VCPIP1: variants seen among roughly 807,000 people sequenced by gnomAD.
VCPIP1 encodes the protein deubiquitinating protein VCPIP1.
VCPIP1 carries 8 observed loss-of-function variants against 85.0 expected under a neutral mutation model. The observed-to-expected ratio is 0.09, with a 90% confidence interval of 0.06 to 0.17. The LOEUF is 0.17. Among genes scored for constraint, VCPIP1 ranks in the 10% least tolerant of loss-of-function variants. The pLI, the probability that VCPIP1 is intolerant of heterozygous loss-of-function variation, is 1.00. For missense variants in VCPIP1, 1,070 were observed against 1,486.3 expected (o/e 0.72, Z 4.61); for synonymous variants, 543 against 544.5 (o/e 1.00, Z 0.04).
At chr8:66,654,188 C>T (rs1179968101) in intron 1 of VCPIP1, among the ~76,000 whole-genome samples, 1 of 152,210 alleles carries the variant, frequency 6.6e-6, no homozygotes. Flanking sequence ...TAAACCTCTA[C>T]TGAAGGTCAA....
At chr8:66,639,695 T>C (rs546895908) in intron 2 of VCPIP1, among the ~76,000 whole-genome samples, 2 of 152,304 alleles carry the variant, frequency 1.3e-5, no homozygotes, top group South Asian at 2.1e-4. Flanking sequence ...AGTTTAGTTA[T>C]AATGGGCAAT....
Position 66,666,879 on chromosome 8 carries a change from A to G in VCPIP1, c.80T>C (p.Leu27Ser). The change falls in exon 1 of 3, where the codon TTG becomes TCG. Residue 27 changes from leucine (L) to serine (S), a missense_variant. This residue lies in a region of VCPIP1 where 164 missense variants were observed against 158.6 expected (regional missense o/e 1.03). Coordinates refer to ENST00000310421, the MANE Select transcript of VCPIP1 (RefSeq NM_025054.5). The surrounding 1 kb of genome is among the most constrained non-coding windows in gnomAD (Gnocchi z 6.3). ...CCCCCCCGAAGCAGCCGCCGACGCC[A>G]AGGACGACGGAGTCTGTGGAGCCTC... ...PPEAPQTPSSLASAAASGGLL... is the reference protein window; with the variant it reads ...PPEAPQTPSSSASAAASGGLL... The G allele has an allele frequency of 1.2e-6, 2 of 1,612,822 alleles. No individual in the cohort carries two copies.
chr8:66,656,750 C>G (rs577912046), intron 1 of VCPIP1, among the ~76,000 whole-genome samples: 3 of 152,218 alleles, frequency 2.0e-5, no homozygotes, highest in East Asian at 3.9e-4. Context: ...GCTGGGACTA[C>G]AGGCACAAAC....
Position 66,666,533 on chromosome 8 carries a change from CTGTT to C in VCPIP1, c.422_425del (p.Lys141ArgfsTer11). 6.2e-7 allele frequency: 1 copy of C among 1,614,146 alleles called. No homozygotes were observed. Among genetic ancestry groups the C allele is most frequent in the Non-Finnish European group, 8.5e-7 (1 of 1,180,024 alleles). The stretch of plus-strand genomic sequence containing the variant: ...CCCGGAGAAGCTTGGCCCGGCCTGT[CTGTT>C]TGTCCATTCCATAGCGAGCTAATAT... On this transcript the variant is annotated frameshift_variant, in exon 1 of 3. Transcript: ENST00000310421. LOFTEE classifies it high-confidence loss of function. The surrounding 1 kb of genome is among the most constrained non-coding windows in gnomAD (Gnocchi z 6.3).
chr8:66,631,998 A>G lies in VCPIP1; in HGVS notation c.*2503T>C, dbSNP rs1238235656. 1 of 152,174 alleles carries G rather than the reference A, an allele frequency of 6.6e-6. No individual in the cohort carries two copies. Among genetic ancestry groups the G allele is most frequent in the Non-Finnish European group, 1.5e-5 (1 of 67,884 alleles). 9.4% of individuals were successfully genotyped at this position (152,174 alleles called of 1,614,324 possible). A position where few individuals can be genotyped will look rare whatever the true frequency, so the allele number is the denominator to read the frequency against. ...AAGAAAAAATTTACAACTTTATTTC[A>G]ATGTTTAGTGAAGCACTGCAAACAG... On this transcript the variant is annotated 3_prime_UTR_variant, in exon 3 of 3. Coordinates refer to ENST00000310421, the MANE Select transcript of VCPIP1 (RefSeq NM_025054.5).
chr8:66,631,563 G>T lies in VCPIP1; in HGVS notation c.*2938C>A, dbSNP rs550654248. The T allele has an allele frequency of 1.6e-4, 24 of 154,542 alleles. 1 individual carries two copies. The highest frequency in any genetic ancestry group is 5.8e-4 in the African/African-American group (24 of 41,608). 9.6% of individuals were successfully genotyped at this position (154,542 alleles called of 1,614,324 possible). A position where few individuals can be genotyped will look rare whatever the true frequency, so the allele number is the denominator to read the frequency against. Reference sequence around the variant, plus strand: ...TCCAATGAAGATACTTAAAAATAATGGCAATAAGGACCTGTGGCCAGGAAT... The same window carrying T: ...TCCAATGAAGATACTTAAAAATAATTGCAATAAGGACCTGTGGCCAGGAAT... On this transcript the variant is annotated 3_prime_UTR_variant, in exon 3 of 3. Coordinates refer to ENST00000310421, the MANE Select transcript of VCPIP1 (RefSeq NM_025054.5).
chr8:66,659,149 C>T (rs1811130747), intron 1 of VCPIP1, among the ~76,000 whole-genome samples: 1 of 151,844 alleles, frequency 6.6e-6, no homozygotes, highest in South Asian at 2.1e-4. Context: ...AATGTACCAC[C>T]TATCCTGTCT....
intron 2 of VCPIP1, among the ~76,000 whole-genome samples, chr8:66,638,952 C>CTG: frequency 7.3e-6 from 1 of 137,786 alleles, no homozygotes; most frequent in African/African-American, 3.1e-5. Flanking sequence ...CTCTCTCTCT[C>CTG]TCTCTCTCTC....
chr8:66,656,362 T>C (rs987492141), intron 1 of VCPIP1, among the ~76,000 whole-genome samples: 1 of 151,674 alleles, frequency 6.6e-6, no homozygotes, highest in Non-Finnish European at 1.5e-5. Flanking sequence ...AGCCGCTAAG[T>C]TTATTTATTT....
chr8:66,652,917 T>C (rs1471612658), intron 1 of VCPIP1, among the ~76,000 whole-genome samples: 4 of 152,210 alleles, frequency 2.6e-5, no homozygotes. Flanking sequence ...TTAACTTTTG[T>C]CTTCCCTACA....
rs781482442 is a variant in VCPIP1, at chr8:66,666,143, C to T, written c.816G>A (p.Glu272=). The change falls in exon 1 of 3, where the codon GAG becomes GAA. Residue 272 remains glutamate (E), a synonymous_variant. Coordinates refer to ENST00000310421, the MANE Select transcript of VCPIP1 (RefSeq NM_025054.5). This position sits in a 1 kb window ranked among gnomAD's most constrained non-coding sequence, Gnocchi z 6.3. ...DAAEWEDIIN[E]CDPLFVPPEG... is the part of the protein sequence containing the mutation. Reference sequence around the variant, plus strand: ...CAGGTGGTACAAACAGAGGGTCACACTCATTGATAATGTCCTCCCACTCAG... The same window carrying T: ...CAGGTGGTACAAACAGAGGGTCACATTCATTGATAATGTCCTCCCACTCAG... 6 of 1,614,202 alleles carry T rather than the reference C, an allele frequency of 3.7e-6. No individual in the cohort carries two copies. The South Asian group carries it at 6.6e-5, about 18-fold the overall frequency.
intron 2 of VCPIP1, among the ~76,000 whole-genome samples, chr8:66,638,480 CAAAAAAAA>C (rs34135306): frequency 1.7e-5 from 2 of 118,722 alleles, no homozygotes; most frequent in East Asian, 2.4e-4. Context: ...AACCCCATCT[CAAAAAAAA>C]AAAAAAAAAG....
chr8:66,634,659 T>G lies in VCPIP1; in HGVS notation c.3511A>C (p.Asn1171His). 1 of 1,614,206 alleles carries G rather than the reference T, an allele frequency of 6.2e-7. No individual in the cohort carries two copies. Among genetic ancestry groups the G allele is most frequent in the Non-Finnish European group, 8.5e-7 (1 of 1,180,040 alleles). Residue 1171 changes from asparagine (N) to histidine (H), a missense_variant, in exon 3 of 3, where the codon AAT (asparagine) becomes CAT (histidine). Physicochemically the swap from Asn to His is moderately conservative, Grantham distance 68 (BLOSUM62 1). Coordinates refer to ENST00000310421, the MANE Select transcript of VCPIP1 (RefSeq NM_025054.5). ...ACACAGCCATCAGTTGTTTCTGTAT[T>G]CAAATTTTCAGTACCACCAGTTAAA... ...FPLTGGTENL[N>H]TETTDGCVAD... is the part of the protein sequence containing the mutation.
Position 66,631,420 on chromosome 8 carries a change from T to C in VCPIP1, c.*3081A>G, listed in dbSNP as rs1474918245. 2 of 154,570 alleles carry C rather than the reference T, an allele frequency of 1.3e-5. No individual in the cohort carries two copies. The highest frequency in any genetic ancestry group is 4.8e-5 in the African/African-American group (2 of 41,532). The allele number at this position is 154,570 out of a possible 1,614,324, so 9.6% of individuals were successfully genotyped here. On this transcript the variant is annotated 3_prime_UTR_variant, in exon 3 of 3. Coordinates refer to ENST00000310421, the MANE Select transcript of VCPIP1 (RefSeq NM_025054.5). ...AAACAATACTTTTATACATTTTGCA[T>C]TTAGTAGCTAACATGTGATGTCAGT...
rs1305562313 is a variant in VCPIP1, at chr8:66,638,962, C to CTA, written c.2798-3591_2798-3590insTA. On this transcript the variant is annotated intron_variant, in intron 2 of 2. Transcript: ENST00000310421. ...TCTCTCTCTCTCTCTCTCTCTCTCTCTCTCTCTCTATATATATATATATAC... is the reference window on the plus strand; with the variant it reads ...TCTCTCTCTCTCTCTCTCTCTCTCTCTATCTCTCTCTATATATATATATATAC... 4.2e-3 allele frequency among the ~76,000 whole-genome samples: 563 copies of CTA among 133,266 alleles called. 3 individuals are homozygous for CTA. Among genetic ancestry groups the CTA allele is most frequent in the African/African-American group, 0.014 (403 of 28,934 alleles). The allele number at this position is 133,266 out of a possible 152,430, so 87.4% of individuals were successfully genotyped here. A position where few individuals can be genotyped will look rare whatever the true frequency, so the allele number is the denominator to read the frequency against.
chr8:66,653,853 A>G (rs1811075089), intron 1 of VCPIP1, among the ~76,000 whole-genome samples: 1 of 152,168 alleles, frequency 6.6e-6, no homozygotes, highest in Non-Finnish European at 1.5e-5. Flanking sequence ...TATGTACTGT[A>G]TATACATCTT....
chr8:66,637,659 T>A (rs1180078590), intron 2 of VCPIP1, among the ~76,000 whole-genome samples: 1 of 151,704 alleles, frequency 6.6e-6, no homozygotes, highest in Admixed American at 6.6e-5. Flanking sequence ...AAAATTTCTC[T>A]ATCACATATC....
intron 1 of VCPIP1, among the ~76,000 whole-genome samples, chr8:66,652,538 A>C (rs1811064010): frequency 6.6e-6 from 1 of 152,126 alleles, no homozygotes; most frequent in African/African-American, 2.4e-5. Context: ...GCTTGAACCC[A>C]GAAAGTGGAG....
At chr8:66,638,480 C>CAA (rs34135306) in intron 2 of VCPIP1, among the ~76,000 whole-genome samples, 7,011 of 118,566 alleles carry the variant, frequency 0.059, 579 homozygotes, top group African/African-American at 0.17. Context: ...AACCCCATCT[C>CAA]AAAAAAAAAA....
Sources: gnomAD v4.1 joint callset for allele counts (sites outside exome capture counted in the v4.1 genomes callset) on GRCh38, gnomAD v4.1.1 for gene constraint, gnomAD v4.1.1 regional missense constraint, Gnocchi (gnomAD v3.1) non-coding constraint, MANE v1.5 for transcripts, NCBI Gene and HGNC (gene_info 2026-07-23, HGNC 2026-07-21) for gene names.